EP400: variants seen among roughly 807,000 people sequenced by gnomAD.
EP400 encodes the protein E1A binding protein p400.
EP400 carries 105 observed loss-of-function variants against 354.1 expected under a neutral mutation model. The ratio of observed to expected loss-of-function variants is 0.30; its 90% CI spans 0.25 to 0.35. The LOEUF (loss-of-function observed/expected upper bound fraction) is 0.35. Among genes scored for constraint, EP400 ranks in the 10% least tolerant of loss-of-function variants. The probability of loss-of-function intolerance (pLI) is 1.00; values close to 1 mark genes in which losing one functional copy is unlikely to be tolerated. For synonymous variants in EP400, 1,646 were observed against 1,716.9 expected (o/e 0.96, Z 1.02); for missense variants, 3,280 against 4,121.0 (o/e 0.80, Z 5.59).
rs186259271 is a variant in EP400, at chr12:132,070,148, C to T, written c.9021+507C>T. Among the ~76,000 whole-genome samples, 4 of 152,188 alleles carry T rather than the reference C, an allele frequency of 2.6e-5. No homozygotes were observed. The highest frequency in any genetic ancestry group is 6.5e-5 in the Admixed American group (1 of 15,278). On this transcript the variant is annotated intron_variant, in intron 51 of 52. Coordinates refer to ENST00000389561, the MANE Select transcript of EP400 (RefSeq NM_015409.5). The surrounding 1 kb of genome is among the most constrained non-coding windows in gnomAD (Gnocchi z 4.1). The stretch of plus-strand genomic sequence containing the variant: ...ACCTCCCTGCATCCTTCTCTAAGAG[C>T]GGGGGAGTGGTACCTTCTTAGCTGG...
chr12:132,001,422 G>A (rs1893410188), intron 12 of EP400, among the ~76,000 whole-genome samples: 2 of 152,306 alleles, frequency 1.3e-5, no homozygotes, highest in Middle Eastern at 3.4e-3. Flanking sequence ...TTTTGCTACT[G>A]TTATCTAAAA....
chr12:132,044,790 C>G lies in EP400; in HGVS notation c.6631-10C>G, dbSNP rs780531187. On this transcript the variant is annotated splice_polypyrimidine_tract_variant and intron_variant, in intron 36 of 52. Coordinates refer to ENST00000389561, the MANE Select transcript of EP400 (RefSeq NM_015409.5). ...TTCCACATCTCATGGGCCTTCCCTT[C>G]TCCATGCAGCTCTGGACCCCACCCA... 6.8e-6 allele frequency: 11 copies of G among 1,614,132 alleles called. No homozygotes were observed. In the South Asian group the frequency reaches 1.1e-4, roughly 16 times the overall value.
chr12:132,062,769 G>T, intron 47 of EP400, 68 bp downstream of exon 47: 1 of 1,586,032 alleles, frequency 6.3e-7, no homozygotes, highest in Non-Finnish European at 8.6e-7. Context: ...TCTGTGAGAC[G>T]GTGCCTGCTT....
At position 132,038,187 on chromosome 12, in the gene EP400, C is replaced by A; in HGVS notation, c.6207+91C>A. ...CCCCAGGGTTCTGGGTGCTCAGTCC[C>A]CACTCTTCCCTGGCCTGAAGCCCTC... On this transcript the variant is annotated intron_variant, in intron 32 of 52. Coordinates refer to ENST00000389561, the MANE Select transcript of EP400 (RefSeq NM_015409.5). This position sits in a 1 kb window ranked among gnomAD's most constrained non-coding sequence, Gnocchi z 4.2. 6.5e-7 allele frequency: 1 copy of A among 1,527,256 alleles called. No individual in the cohort carries two copies. 94.6% of individuals were successfully genotyped at this position (1,527,256 alleles called of 1,614,324 possible). A position where few individuals can be genotyped will look rare whatever the true frequency, so the allele number is the denominator to read the frequency against.
In EP400 at chr12:132,064,770, G is replaced by A. The variant is rs767475051; in HGVS notation, c.8437G>A (p.Val2813Met). Residue 2813 changes from valine (V) to methionine (M), a missense_variant, in exon 48 of 53, where the codon GTG becomes ATG. Val to Met is a conservative substitution (Grantham distance 21). Coordinates refer to ENST00000389561, the MANE Select transcript of EP400 (RefSeq NM_015409.5). ...CCCGCAGCCAACAGCCCAAGTGCAAGTGCAGACCTCGCAGCCGCCGCAGCA... is the reference window on the plus strand; with the variant it reads ...CCCGCAGCCAACAGCCCAAGTGCAAATGCAGACCTCGCAGCCGCCGCAGCA... ...APPQPTAQVQVQTSQPPQQQS... is the reference protein window; with the variant it reads ...APPQPTAQVQMQTSQPPQQQS... 3 of 1,613,508 alleles carry A rather than the reference G, an allele frequency of 1.9e-6. No homozygotes were observed. In the South Asian group the frequency reaches 3.3e-5, roughly 18 times the overall value.
Position 132,079,108 on chromosome 12 carries a change from A to C in EP400, c.*1435A>C, listed in dbSNP as rs1896317044. ...ATTTTCTGTTTTTAAATTGTATTTC[A>C]TCTGCTTCCTCCCCATTCTCTCACT... On this transcript the variant is annotated 3_prime_UTR_variant, in exon 53 of 53. Coordinates refer to ENST00000389561, the MANE Select transcript of EP400 (RefSeq NM_015409.5). The C allele has an allele frequency of 6.6e-6, 1 of 152,212 alleles. No individual in the cohort carries two copies. The highest frequency in any genetic ancestry group is 1.5e-5 in the Non-Finnish European group (1 of 68,036). The allele number at this position is 152,212 out of a possible 1,614,324, so 9.4% of individuals were successfully genotyped here. A position where few individuals can be genotyped will look rare whatever the true frequency, so the allele number is the denominator to read the frequency against.
At chr12:131,970,573 G>T (rs1892255122) in intron 2 of EP400, among the ~76,000 whole-genome samples, 2 of 152,204 alleles carry the variant, frequency 1.3e-5, no homozygotes, top group African/African-American at 4.8e-5. Context: ...AGAATGGATG[G>T]GCTGTGTCCT....
At chr12:132,069,975 G>T (rs1330212597) in intron 51 of EP400, among the ~76,000 whole-genome samples, 1 of 151,944 alleles carries the variant, frequency 6.6e-6, no homozygotes, top group African/African-American at 2.4e-5. Flanking sequence ...TTTATTTTTT[G>T]ATATTTTTTG....
Position 132,050,247 on chromosome 12 carries a change from C to A in EP400, c.7201-76C>A. 1 of 1,549,320 alleles carries A rather than the reference C, an allele frequency of 6.5e-7. No individual in the cohort carries two copies. Among genetic ancestry groups the A allele is most frequent in the Non-Finnish European group, 8.8e-7 (1 of 1,139,922 alleles). On this transcript the variant is annotated intron_variant, in intron 39 of 52. Transcript: ENST00000389561. The surrounding 1 kb of genome is among the most constrained non-coding windows in gnomAD (Gnocchi z 4.8). ...GGGAGTTTAGCCTCAGATTCCCACC[C>A]AGTGAGCCCTGTGTCCCACGCAGCC...
At chr12:132,056,161 G>A (rs763565584) in intron 45 of EP400, among the ~76,000 whole-genome samples, 3 of 152,074 alleles carry the variant, frequency 2.0e-5, no homozygotes, top group Non-Finnish European at 4.4e-5. Context: ...ACACAAGTGA[G>A]AATAAGGAGC....
chr12:132,021,604 G>A (rs1355179340), intron 23 of EP400, among the ~76,000 whole-genome samples: 1 of 152,190 alleles, frequency 6.6e-6, no homozygotes, highest in Non-Finnish European at 1.5e-5. Flanking sequence ...TGGTGCTGTG[G>A]ACGGCACTTC....
chr12:131,991,536 A>G (rs1893032864), intron 10 of EP400, 80 bp downstream of exon 10: 3 of 1,290,298 alleles, frequency 2.3e-6, no homozygotes, highest in Non-Finnish European at 3.4e-6. Flanking sequence ...ATTCTTATCC[A>G]GAGGAATTTG....
Position 132,053,539 on chromosome 12 carries a change from T to C in EP400, c.7670T>C (p.Val2557Ala). Residue 2557 changes from valine to alanine, a missense_variant, in exon 43 of 53, where the codon GTG becomes GCG. Physicochemically the swap from Val to Ala is moderately conservative, Grantham distance 64. Transcript: ENST00000389561. ...QPQPQTQPQP[V>A]QAPAKAQPAI... is the part of the protein sequence containing the mutation. ...CAGCCCCAGACCCAGCCACAGCCTGTGCAGGCCCCAGCGAAGGCGCAGCCC... is the reference window on the plus strand; with the variant it reads ...CAGCCCCAGACCCAGCCACAGCCTGCGCAGGCCCCAGCGAAGGCGCAGCCC... 6.4e-7 allele frequency: 1 copy of C among 1,555,072 alleles called. No individual in the cohort carries two copies. The highest frequency in any genetic ancestry group is 8.6e-7 in the Non-Finnish European group (1 of 1,157,048).
Position 131,960,707 on chromosome 12 carries a change from G to GGCCCCCCCCCCCCCCCCCCCCCCCCCCCC in EP400, c.88_89insGCCCCCCCCCCCCCCCCCCCCCCCCCCCC (p.Ala30GlyfsTer42), listed in dbSNP as rs71453134. ...TGGCAGCGAGGGTGAGGAGCAGCCG[G>GGCCCCCCCCCCCCCCCCCCCCCCCCCCCC]CCCACCCCAACCCACCCCCGTCCCC... is the stretch of plus-strand genomic sequence containing the variant. On this transcript the variant is annotated frameshift_variant, in exon 2 of 53. Coordinates refer to ENST00000389561, the MANE Select transcript of EP400 (RefSeq NM_015409.5). LOFTEE classifies it high-confidence loss of function. 1.9e-6 allele frequency: 3 copies of GGCCCCCCCCCCCCCCCCCCCCCCCCCCCC among 1,545,590 alleles called. No individual in the cohort carries two copies. The highest frequency in any genetic ancestry group is 2.4e-5 in the South Asian group (2 of 83,348).
At position 132,028,144 on chromosome 12, in the gene EP400, G is replaced by T. The variant is rs757788875; in HGVS notation, c.5237G>T (p.Arg1746Met). ...ATTTGTGCCCTGCCTAGCCATGGAA[G>T]GGTACAGTGGCGTGGGTCCCTGGAT... ...LRICALPSHG[R>M]VQWRGSLDGR... The change falls in exon 27 of 53, where the codon AGG (arginine) becomes ATG (methionine). Residue 1746 changes from arginine (R) to methionine (M), a missense_variant. Physicochemically the swap from Arg to Met is moderately conservative, Grantham distance 91. Coordinates refer to ENST00000389561, the MANE Select transcript of EP400 (RefSeq NM_015409.5). The T allele has an allele frequency of 1.2e-6, 2 of 1,614,220 alleles. No individual in the cohort carries two copies. Among genetic ancestry groups the T allele is most frequent in the African/African-American group, 1.3e-5 (1 of 75,048 alleles).
In EP400 at chr12:132,020,122, C is replaced by T. The variant is rs145797704; in HGVS notation, c.4351C>T (p.Arg1451Trp). ...GGCTTTCCCCAGCACTCACCCGCCCCGGACGGCAGCCCCCACCACGGCCTC... is the reference window on the plus strand; with the variant it reads ...GGCTTTCCCCAGCACTCACCCGCCCTGGACGGCAGCCCCCACCACGGCCTC... ...TVAFPSTHPP[R>W]TAAPTTASAA... The change falls in exon 22 of 53, where the codon CGG becomes TGG. Residue 1451 changes from arginine (R) to tryptophan (W), a missense_variant. By Grantham distance (101) the Arg-to-Trp change is moderately radical. Transcript: ENST00000389561. 477 of 1,610,900 alleles carry T rather than the reference C, an allele frequency of 3.0e-4. No homozygotes were observed. The highest frequency in any genetic ancestry group is 3.8e-4 in the Non-Finnish European group (452 of 1,178,812).
chr12:132,055,169 C>G lies in EP400; in HGVS notation c.7845C>G (p.Asn2615Lys), dbSNP rs757248858. 3.8e-6 allele frequency: 6 copies of G among 1,592,942 alleles called. No individual in the cohort carries two copies. The Admixed American group carries it at 1.1e-4, about 28-fold the overall frequency. The change falls in exon 45 of 53, where the codon AAC becomes AAG. Residue 2615 changes from asparagine to lysine, a missense_variant. Asn to Lys is a moderately conservative substitution (Grantham distance 94). Around this residue, in one of 20 missense-constraint regions of EP400, gnomAD observed 255 missense variants for 295.9 expected, o/e 0.86. Transcript: ENST00000389561. ...CAGCTGCCACCTTCCAGTCCATCAA[C>G]AAGCGCCTGGCGTCGCCAGTGGCTC... ...GVPAATFQSINKRLASPVAPG... is the reference protein window; with the variant it reads ...GVPAATFQSIKKRLASPVAPG...
At chr12:132,057,239 G>T (rs901454110) in intron 45 of EP400, among the ~76,000 whole-genome samples, 2 of 152,314 alleles carry the variant, frequency 1.3e-5, no homozygotes, top group South Asian at 2.1e-4. Flanking sequence ...ATTCAGGATT[G>T]CTCAAAAAGA....
At position 132,021,110 on chromosome 12, in the gene EP400, T is replaced by G; in HGVS notation, c.4479T>G (p.Ala1493=). 1 of 1,600,008 alleles carries G rather than the reference T, an allele frequency of 6.2e-7. No homozygotes were observed. Among genetic ancestry groups the G allele is most frequent in the Non-Finnish European group, 8.5e-7 (1 of 1,179,680 alleles). Residue 1493 remains alanine, a synonymous_variant, in exon 23 of 53, where the codon GCT becomes GCG. Coordinates refer to ENST00000389561, the MANE Select transcript of EP400 (RefSeq NM_015409.5). ...AAAAPFQTSQ[A]SASAPRHQPA... is the part of the protein sequence containing the mutation. ...CAGCCCCGTTTCAGACCTCTCAGGC[T>G]TCCGCCAGTGCTCCACGACACCAGC...
Sources: allele counts gnomAD v4.1 joint callset (sites outside exome capture counted in the v4.1 genomes callset), GRCh38; gene constraint gnomAD v4.1.1; regional missense constraint gnomAD v4.1.1; non-coding constraint Gnocchi (gnomAD v3.1); transcripts MANE v1.5; gene names NCBI Gene and HGNC (gene_info 2026-07-23, HGNC 2026-07-21).